FIGNL2: variants seen among roughly 807,000 people sequenced by gnomAD.
FIGNL2 encodes the protein fidgetin-like protein 2.
For missense variants in FIGNL2, 1,060 were observed against 950.2 expected, an observed-to-expected ratio of 1.12 and a Z score of -1.52; for synonymous variants, 565 against 484.0, an observed-to-expected ratio of 1.17 and a Z score of -2.20.
intron 1 of FIGNL2, among the ~76,000 whole-genome samples, chr12:51,827,160 G>A (rs1033049927): frequency 6.6e-6 from 1 of 152,190 alleles, no homozygotes; most frequent in Non-Finnish European, 1.5e-5. Context: ...TCCCACAGGA[G>A]CCTCAGGAAG....
In FIGNL2 at chr12:51,821,764, C is replaced by T. The variant is rs1939206946; in HGVS notation, c.650G>A (p.Gly217Asp). Residue 217 changes from glycine to aspartate, a missense_variant, in exon 2 of 2, where the codon GGC becomes GAC. Transcript: ENST00000618634. ...AGGYAAQPGYGALPPPPGPPP... is the reference protein window; with the variant it reads ...AGGYAAQPGYDALPPPPGPPP... ...TGGGCCTGGGGGCGGCGGGAGCGCGCCATAGCCGGGCTGCGCTGCGTAGCC... is the reference window on the plus strand; with the variant it reads ...TGGGCCTGGGGGCGGCGGGAGCGCGTCATAGCCGGGCTGCGCTGCGTAGCC... 4 of 1,280,804 alleles carry T rather than the reference C, an allele frequency of 3.1e-6. No homozygotes were observed. Among genetic ancestry groups the T allele is most frequent in the Non-Finnish European group, 3.9e-6 (4 of 1,020,512 alleles). 79.3% of individuals were successfully genotyped at this position (1,280,804 alleles called of 1,614,324 possible). A position where few individuals can be genotyped will look rare whatever the true frequency, so the allele number is the denominator to read the frequency against.
At chr12:51,834,375 C>T (rs1457982048) in intron 1 of FIGNL2, among the ~76,000 whole-genome samples, 1 of 152,174 alleles carries the variant, frequency 6.6e-6, no homozygotes, top group Non-Finnish European at 1.5e-5. Context: ...CACAGGGCCT[C>T]TTTCTCTTTA....
chr12:51,830,712 C>T (rs952622409), intron 1 of FIGNL2, among the ~76,000 whole-genome samples: 5 of 152,004 alleles, frequency 3.3e-5, no homozygotes, highest in African/African-American at 7.2e-5. Context: ...AGGCTGGTCT[C>T]AAACTCCTGA....
At chr12:51,823,145 C>T (rs1262282546) in intron 1 of FIGNL2, among the ~76,000 whole-genome samples, 2 of 152,234 alleles carry the variant, frequency 1.3e-5, no homozygotes, top group African/African-American at 4.8e-5. Context: ...GGATTCCAGA[C>T]CCAGCTGCAT....
In FIGNL2 at chr12:51,848,153, G is replaced by A. The variant is rs900151313; in HGVS notation, c.-12+387C>T. ...GGAGGGGCCTGCGGGCCGGCCCTCGGGCTCCGGACGCTGGATCCTTCTGGG... is the reference window on the plus strand; with the variant it reads ...GGAGGGGCCTGCGGGCCGGCCCTCGAGCTCCGGACGCTGGATCCTTCTGGG... On this transcript the variant is annotated intron_variant, in intron 1 of 1. Transcript: ENST00000618634. The A allele has an allele frequency of 1.3e-5, 13 of 984,396 alleles. No individual in the cohort carries two copies. The African/African-American group carries it at 2.1e-4, about 16-fold the overall frequency. The allele number at this position is 984,396 out of a possible 1,614,324, so 61.0% of individuals were successfully genotyped here. A position where few individuals can be genotyped will look rare whatever the true frequency, so the allele number is the denominator to read the frequency against.
intron 1 of FIGNL2, chr12:51,828,184 G>A (rs890027866): frequency 1.3e-5 from 2 of 152,136 alleles, no homozygotes; most frequent in African/African-American, 2.4e-5. Flanking sequence ...CCGGTAAAAC[G>A]CCCAAGTAGA....
At chr12:51,824,984 C>T (rs1359451429) in intron 1 of FIGNL2, among the ~76,000 whole-genome samples, 1 of 152,006 alleles carries the variant, frequency 6.6e-6, no homozygotes, top group Non-Finnish European at 1.5e-5. Context: ...GCGGAGGTTA[C>T]AGTGATCCGA....
At position 51,844,622 on chromosome 12, in the gene FIGNL2, G is replaced by C. The variant is rs368901920; in HGVS notation, c.-12+3918C>G. The C allele has an allele frequency of 2.0e-4, 167 of 849,514 alleles. 1 individual carries two copies. In the African/African-American group the frequency reaches 2.9e-3, roughly 15 times the overall value. 52.6% of individuals were successfully genotyped at this position (849,514 alleles called of 1,614,324 possible). ...CTCTATTTTCTCACCTCACAGATGA[G>C]ATACAGAGTGTTTAACAAGTGTGTG... On this transcript the variant is annotated intron_variant, in intron 1 of 1. Transcript: ENST00000618634.
At chr12:51,845,922 C>T (rs1939741548) in intron 1 of FIGNL2, among the ~76,000 whole-genome samples, 1 of 151,460 alleles carries the variant, frequency 6.6e-6, no homozygotes, top group Admixed American at 6.6e-5. Flanking sequence ...GCAAAGTCCT[C>T]CCCGGACTTG....
intron 1 of FIGNL2, chr12:51,848,207 C>G: frequency 1.0e-6 from 1 of 984,868 alleles, no homozygotes; most frequent in Non-Finnish European, 1.2e-6. Context: ...TGGCTCCCCA[C>G]CCCCAGGCCA....
At chr12:51,833,762 A>C (rs547759679) in intron 1 of FIGNL2, among the ~76,000 whole-genome samples, 34 of 152,254 alleles carry the variant, frequency 2.2e-4, no homozygotes, top group Non-Finnish European at 1.0e-4. Flanking sequence ...TCCCTGTAAC[A>C]CTCATCCATC....
At chr12:51,839,534 C>T (rs1328133705) in intron 1 of FIGNL2, among the ~76,000 whole-genome samples, 1 of 152,210 alleles carries the variant, frequency 6.6e-6, no homozygotes, top group Admixed American at 6.5e-5. Context: ...CTGTCTAAAA[C>T]AGACTCAGCC....
intron 1 of FIGNL2, among the ~76,000 whole-genome samples, chr12:51,838,516 C>A (rs1040341140): frequency 1.3e-5 from 2 of 152,300 alleles, no homozygotes; most frequent in South Asian, 2.1e-4. Context: ...GCCCTTCCCC[C>A]TCCCATGACT....
intron 1 of FIGNL2, among the ~76,000 whole-genome samples, chr12:51,846,558 C>G (rs1939754840): frequency 6.6e-6 from 1 of 152,224 alleles, no homozygotes; most frequent in African/African-American, 2.4e-5. Context: ...ACGCCACACT[C>G]AGTCTGGGTG....
chr12:51,844,691 G>C (rs758051922), intron 1 of FIGNL2: 5 of 985,260 alleles, frequency 5.1e-6, no homozygotes, highest in African/African-American at 3.5e-5. Context: ...GAAACTGCTC[G>C]GAGAAGAGCA....
In FIGNL2 at chr12:51,819,103, A is replaced by G. The variant is rs1333778406; in HGVS notation, c.*1349T>C. On this transcript the variant is annotated 3_prime_UTR_variant, in exon 2 of 2. Transcript: ENST00000618634. Reference sequence around the variant, plus strand: ...GATTTTGTGGCCAGACTGTCTACCCAGATGGAATCCTCCTAGCATAAGTCA... The same window carrying G: ...GATTTTGTGGCCAGACTGTCTACCCGGATGGAATCCTCCTAGCATAAGTCA... 1 of 152,330 alleles carries G rather than the reference A, an allele frequency of 6.6e-6. No individual in the cohort carries two copies. Among genetic ancestry groups the G allele is most frequent in the Non-Finnish European group, 1.5e-5 (1 of 68,152 alleles). The allele number at this position is 152,330 out of a possible 1,614,324, so 9.4% of individuals were successfully genotyped here.
Position 51,821,143 on chromosome 12 carries a change from G to A in FIGNL2, c.1271C>T (p.Pro424Leu), listed in dbSNP as rs1451555457. 11 of 1,461,790 alleles carry A rather than the reference G, an allele frequency of 7.5e-6. No individual in the cohort carries two copies. Among genetic ancestry groups the A allele is most frequent in the Non-Finnish European group, 9.8e-6 (11 of 1,119,722 alleles). The allele number at this position is 1,461,790 out of a possible 1,614,324, so 90.6% of individuals were successfully genotyped here. A position where few individuals can be genotyped will look rare whatever the true frequency, so the allele number is the denominator to read the frequency against. The change falls in exon 2 of 2, where the codon CCG (proline) becomes CTG (leucine). Residue 424 changes from proline to leucine, a missense_variant. Pro to Leu is a moderately conservative substitution (Grantham distance 98). Transcript: ENST00000618634. ...RPPAYPGSLR[P>L]PRTVLLFGPR... ...CCCAAAGAGCAGGACGGTCCGCGGC[G>A]GGCGCAGGCTGCCCGGGTAGGCGGG...
intron 1 of FIGNL2, among the ~76,000 whole-genome samples, chr12:51,831,360 C>T (rs989509040): frequency 2.6e-5 from 4 of 152,134 alleles, no homozygotes; most frequent in African/African-American, 9.7e-5. Flanking sequence ...CAGGAGAAAA[C>T]AAGGAAAGTG....
At chr12:51,845,650 T>G in intron 1 of FIGNL2, 1 of 985,362 alleles carries the variant, frequency 1.0e-6, no homozygotes, top group Non-Finnish European at 1.2e-6. Context: ...AGAGGCAAAG[T>G]TCTGCTAGAA....
Sources: allele counts gnomAD v4.1 joint callset (sites outside exome capture counted in the v4.1 genomes callset), GRCh38; gene constraint gnomAD v4.1.1; transcripts MANE v1.5; gene names NCBI Gene and HGNC (gene_info 2026-07-23, HGNC 2026-07-21).